CNTNAP2: variants seen among roughly 807,000 people sequenced by gnomAD.
CNTNAP2 encodes the protein contactin associated protein 2, also known as contactin-associated protein-like 2.
CNTNAP2 carries 98 observed loss-of-function variants against 155.2 expected under a neutral mutation model. That is an observed-to-expected ratio of 0.63 (90% CI 0.54 to 0.75). The LOEUF (loss-of-function observed/expected upper bound fraction) is 0.75, where lower values mean the gene tolerates loss of function less well. Ranked by LOEUF, CNTNAP2 falls within the 30% of genes least tolerant of loss-of-function variation. The pLI is 0.00. For synonymous variants in CNTNAP2, 651 were observed against 631.2 expected (o/e 1.03, Z -0.47); for missense variants, 1,727 against 1,688.1 (o/e 1.02, Z -0.40).
intron 3 of CNTNAP2, among the ~76,000 whole-genome samples, chr7:146,907,509 G>A (rs1042419553): frequency 7.4e-6 from 1 of 134,842 alleles, no homozygotes; most frequent in African/African-American, 2.8e-5. Context: ...CATTCTTAAA[G>A]AAAAGAATTT....
At chr7:147,601,349 T>C (rs1007195885) in intron 12 of CNTNAP2, among the ~76,000 whole-genome samples, 8 of 146,052 alleles carry the variant, frequency 5.5e-5, no homozygotes, top group Non-Finnish European at 1.0e-4. Flanking sequence ...GGGTAGGTAG[T>C]GGAAAATTAC....
At chr7:148,331,998 C>A (rs1163214755) in intron 21 of CNTNAP2, among the ~76,000 whole-genome samples, 1 of 152,196 alleles carries the variant, frequency 6.6e-6, no homozygotes, top group African/African-American at 2.4e-5. Flanking sequence ...TCTGCTCTCA[C>A]TTCTTTCCTC....
chr7:147,623,109 C>T (rs536339711), intron 12 of CNTNAP2, among the ~76,000 whole-genome samples: 33 of 151,934 alleles, frequency 2.2e-4, no homozygotes, highest in South Asian at 6.2e-4. Context: ...GTAACAAGAT[C>T]GAAGCTATAA....
In CNTNAP2 at chr7:148,126,136, A is replaced by G. The variant is rs138785382; in HGVS notation, c.2554+7848A>G. Among the ~76,000 whole-genome samples the G allele has an allele frequency of 4.8e-3, 732 of 152,328 alleles. 5 individuals are homozygous for G. Among genetic ancestry groups the G allele is most frequent in the Middle Eastern group, 0.01 (3 of 294 alleles). On this transcript the variant is annotated intron_variant, in intron 16 of 23. Transcript: ENST00000361727. ...TCCTTGAAGATGCTAACATTTTAAA[A>G]GAGCCACAAAGTAAATGGAAAAGGA...
intron 22 of CNTNAP2, among the ~76,000 whole-genome samples, chr7:148,405,764 C>T (rs899512929): frequency 4.6e-5 from 7 of 151,178 alleles, no homozygotes; most frequent in African/African-American, 9.7e-5. Flanking sequence ...TACAGGCGCA[C>T]GCCATCATGC....
At chr7:146,149,597 C>T (rs539702716) in intron 1 of CNTNAP2, among the ~76,000 whole-genome samples, 25 of 152,028 alleles carry the variant, frequency 1.6e-4, no homozygotes, top group African/African-American at 5.3e-4. Context: ...ACTAGATCCA[C>T]GCAGATATGG....
chr7:147,909,784 G>T (rs145951616), intron 14 of CNTNAP2, among the ~76,000 whole-genome samples: 148 of 152,280 alleles, frequency 9.7e-4, no homozygotes, highest in African/African-American at 3.5e-3. Flanking sequence ...CATTCATTGC[G>T]TGAGTACCCT....
intron 21 of CNTNAP2, among the ~76,000 whole-genome samples, chr7:148,380,499 T>A (rs1043173001): frequency 1.3e-5 from 2 of 152,230 alleles, no homozygotes; most frequent in African/African-American, 4.8e-5. Flanking sequence ...AACAACCATT[T>A]ACATTTTTTC....
At position 148,122,622 on chromosome 7, in the gene CNTNAP2, C is replaced by T. The variant is rs905261719; in HGVS notation, c.2554+4334C>T. Among the ~76,000 whole-genome samples, 3 of 152,064 alleles carry T rather than the reference C, an allele frequency of 2.0e-5. No individual in the cohort carries two copies. The South Asian group carries it at 6.2e-4, about 32-fold the overall frequency. ...AGGGGGAGCATCTGACTCAACATGA[C>T]CCTGAAGGCTATGGAGAGCCAGGGC... is the stretch of plus-strand genomic sequence containing the variant. On this transcript the variant is annotated intron_variant, in intron 16 of 23. Coordinates refer to ENST00000361727, the MANE Select transcript of CNTNAP2 (RefSeq NM_014141.6).
chr7:147,539,032 T>C (rs1262991564), intron 11 of CNTNAP2, among the ~76,000 whole-genome samples: 1 of 152,170 alleles, frequency 6.6e-6, no homozygotes, highest in Non-Finnish European at 1.5e-5. Flanking sequence ...TAATGTTGTT[T>C]TTAGGTTATC....
intron 13 of CNTNAP2, among the ~76,000 whole-genome samples, chr7:147,850,559 G>A (rs906957919): frequency 2.0e-5 from 3 of 152,176 alleles, no homozygotes; most frequent in African/African-American, 4.8e-5. Context: ...GCATGGTACT[G>A]GTGCCAAAAC....
At chr7:148,108,394 G>A (rs6464853) in intron 15 of CNTNAP2, among the ~76,000 whole-genome samples, 46,545 of 151,646 alleles carry the variant, frequency 0.31, 9,204 homozygotes, top group East Asian at 0.67. Context: ...GAGATGAAGA[G>A]ATAGGGAGTA....
chr7:147,900,611 T>C (rs1799851744), intron 13 of CNTNAP2, among the ~76,000 whole-genome samples: 1 of 151,974 alleles, frequency 6.6e-6, no homozygotes, highest in African/African-American at 2.4e-5. Flanking sequence ...GGGTTTTTTG[T>C]TTGTTTTGTT....
chr7:148,320,690 G>A (rs1312605819), intron 21 of CNTNAP2, among the ~76,000 whole-genome samples: 1 of 152,074 alleles, frequency 6.6e-6, no homozygotes, highest in African/African-American at 2.4e-5. Flanking sequence ...AGCCAACAAA[G>A]AATTTTTAGG....
chr7:147,396,041 T>C (rs569793493), intron 10 of CNTNAP2, among the ~76,000 whole-genome samples: 1 of 148,258 alleles, frequency 6.7e-6, no homozygotes, highest in Admixed American at 6.8e-5. Context: ...ATATCCTATA[T>C]GTGCTATATG....
intron 13 of CNTNAP2, among the ~76,000 whole-genome samples, chr7:147,877,099 T>C (rs190820943): frequency 6.6e-6 from 1 of 152,262 alleles, no homozygotes; most frequent in Non-Finnish European, 1.5e-5. Context: ...GTTATTTTTG[T>C]GGCCACACAT....
chr7:146,379,137 A>G (rs1157807519), intron 1 of CNTNAP2, among the ~76,000 whole-genome samples: 1 of 152,106 alleles, frequency 6.6e-6, no homozygotes, highest in Admixed American at 6.5e-5. Flanking sequence ...TTTTAAACCA[A>G]TGCTCTTAGT....
chr7:148,242,285 C>G (rs1796172023), intron 20 of CNTNAP2, among the ~76,000 whole-genome samples: 1 of 152,142 alleles, frequency 6.6e-6, no homozygotes, highest in Non-Finnish European at 1.5e-5. Flanking sequence ...CTTATCTCAC[C>G]TAAATTCATC....
intron 21 of CNTNAP2, among the ~76,000 whole-genome samples, chr7:148,284,489 G>A (rs1419259112): frequency 2.0e-5 from 3 of 151,470 alleles, no homozygotes; most frequent in Admixed American, 6.6e-5. Context: ...TCTCAGGTAC[G>A]TCTTTATCAG....
Sources: gnomAD v4.1 joint callset for allele counts (sites outside exome capture counted in the v4.1 genomes callset) on GRCh38, gnomAD v4.1.1 for gene constraint, MANE v1.5 for transcripts, NCBI Gene and HGNC (gene_info 2026-07-23, HGNC 2026-07-21) for gene names.